Variants in NUP210L observed in about 807,000 individuals in gnomAD.
NUP210L encodes nuclear pore membrane glycoprotein 210-like.
NUP210L carries 74 observed loss-of-function variants against 208.5 expected under a neutral mutation model. The ratio of observed to expected loss-of-function variants is 0.35; its 90% CI spans 0.29 to 0.43. The LOEUF is 0.43. NUP210L is among the 20% of genes least tolerant of loss of function. The pLI, the probability that NUP210L is intolerant of heterozygous loss-of-function variation, is 1.00. For missense variants in NUP210L, 1,843 were observed against 2,289.4 expected (o/e 0.81, Z 3.98); for synonymous variants, 780 against 816.9 (o/e 0.95, Z 0.77).
intron 10 of NUP210L, among the ~76,000 whole-genome samples, chr1:154,119,520 G>A (rs1455469763): frequency 1.3e-5 from 2 of 151,956 alleles, no homozygotes; most frequent in South Asian, 2.1e-4. Context: ...CTTGGGAGGC[G>A]GAGGTTGCAG....
intron 10 of NUP210L, among the ~76,000 whole-genome samples, chr1:154,120,138 T>C (rs1571297070): frequency 6.6e-6 from 1 of 152,248 alleles, no homozygotes; most frequent in South Asian, 2.1e-4. Flanking sequence ...ATTTCTCTGA[T>C]GGCCAGTGAT....
chr1:154,068,482 C>T (rs569331224), intron 17 of NUP210L, among the ~76,000 whole-genome samples: 1 of 152,036 alleles, frequency 6.6e-6, no homozygotes, highest in Non-Finnish European at 1.5e-5. Context: ...GAGATCAAGA[C>T]CATCCTGGCT....
At chr1:154,047,002 G>A (rs1653220117) in intron 25 of NUP210L, among the ~76,000 whole-genome samples, 1 of 152,108 alleles carries the variant, frequency 6.6e-6, no homozygotes, top group African/African-American at 2.4e-5. Context: ...AGGTTGCAGT[G>A]AGCCGAGATC....
At chr1:154,089,365 T>C in intron 16 of NUP210L, 56 bp downstream of exon 16, 1 of 1,443,424 alleles carries the variant, frequency 6.9e-7, no homozygotes, top group Non-Finnish European at 9.7e-7. Context: ...AGACTCTATC[T>C]CTAAAGCACG....
intron 7 of NUP210L, among the ~76,000 whole-genome samples, chr1:154,135,219 G>GT (rs754317428): frequency 2.6e-5 from 4 of 152,112 alleles, no homozygotes; most frequent in African/African-American, 9.6e-5. Context: ...TCCAAACTCC[G>GT]TTTTCCCCAT....
chr1:154,095,000 G>T (rs1209801654), exon 15 of NUP210L: 1 of 1,613,996 alleles, frequency 6.2e-7, no homozygotes, highest in Non-Finnish European at 8.5e-7. Flanking sequence ...TTAGATGGCA[G>T]CCACACTTGT....
At chr1:154,135,953 T>C in exon 7 of NUP210L, 4 of 1,606,084 alleles carry the variant, frequency 2.5e-6, no homozygotes, top group Non-Finnish European at 3.4e-6. Flanking sequence ...GTATATAATG[T>C]TCCAGGGGAA....
At chr1:154,015,055 C>T (rs1448570475) in intron 33 of NUP210L, among the ~76,000 whole-genome samples, 2 of 151,402 alleles carry the variant, frequency 1.3e-5, no homozygotes, top group Non-Finnish European at 2.9e-5. Context: ...TTTTTTTCTT[C>T]AACTTTTATT....
intron 18 of NUP210L, among the ~76,000 whole-genome samples, chr1:154,061,347 C>T (rs1288038922): frequency 6.6e-6 from 1 of 151,818 alleles, no homozygotes; most frequent in Non-Finnish European, 1.5e-5. Flanking sequence ...CACTGCACTC[C>T]ATCCTGGGTG....
At chr1:154,086,494 CT>C (rs1204738417) in intron 16 of NUP210L, among the ~76,000 whole-genome samples, 1 of 152,028 alleles carries the variant, frequency 6.6e-6, no homozygotes, top group Non-Finnish European at 1.5e-5. Context: ...AAGTTAAAAA[CT>C]TTTGTGCTTC....
At chr1:154,048,192 A>T (rs1653293490) in intron 25 of NUP210L, among the ~76,000 whole-genome samples, 1 of 152,074 alleles carries the variant, frequency 6.6e-6, no homozygotes, top group Admixed American at 6.6e-5. Context: ...TTTGAAGAAA[A>T]AGAGTGGCCT....
rs908499732 is a variant in NUP210L at position 154,035,691 on chromosome 1, C to CT, written c.3697-5638dup. ...TGGGATTACAGGTGACCGGCCTCTACTTTTTTTTGATGTAGGCACTCTTTG... is the reference window on the plus strand; with the variant it reads ...TGGGATTACAGGTGACCGGCCTCTACTTTTTTTTTGATGTAGGCACTCTTTG... On this transcript the variant is annotated intron_variant, in intron 27 of 39. Coordinates refer to ENST00000368559, the Ensembl canonical transcript of NUP210L. Among the ~76,000 whole-genome samples the CT allele has an allele frequency of 9.9e-5, 15 of 151,090 alleles. No individual in the cohort carries two copies. The East Asian group carries it at 2.9e-3, about 29-fold the overall frequency.
chr1:154,054,186 T>C, intron 25 of NUP210L, 42 bp downstream of exon 25: 3 of 1,604,872 alleles, frequency 1.9e-6, no homozygotes, highest in Non-Finnish European at 2.6e-6. Flanking sequence ...GTATGGTTCC[T>C]CAATAGAAGA....
chr1:154,033,065 C>A (rs1652349207), intron 27 of NUP210L, among the ~76,000 whole-genome samples: 1 of 151,966 alleles, frequency 6.6e-6, no homozygotes, highest in African/African-American at 2.4e-5. Context: ...AATATCTATT[C>A]CAATCTTTTG....
At chr1:154,053,144 A>G (rs1234851403) in intron 25 of NUP210L, among the ~76,000 whole-genome samples, 1 of 152,266 alleles carries the variant, frequency 6.6e-6, no homozygotes, top group Non-Finnish European at 1.5e-5. Context: ...TTGCAAAATT[A>G]AAAGAACAAA....
chr1:154,114,036 G>A (rs111804060), intron 12 of NUP210L, among the ~76,000 whole-genome samples: 42,660 of 150,946 alleles, frequency 0.28, 7,301 homozygotes, highest in Admixed American at 0.44. Flanking sequence ...CCAGCTACTC[G>A]GGAGGCTGAG....
intron 15 of NUP210L, among the ~76,000 whole-genome samples, chr1:154,089,914 A>G (rs892438868): frequency 2.0e-5 from 3 of 152,036 alleles, no homozygotes; most frequent in Non-Finnish European, 2.9e-5. Context: ...CCATCTCTAC[A>G]AAAAATCTAA....
chr1:154,100,100 G>A (rs757593761), exon 14 of NUP210L: 32 of 1,613,708 alleles, frequency 2.0e-5, no homozygotes, highest in African/African-American at 2.7e-5. Flanking sequence ...ATTTAGCTGC[G>A]ATATGTGTAC....
chr1:154,143,334 G>A (rs1022719779), intron 3 of NUP210L, 112 bp downstream of exon 3: 14 of 788,758 alleles, frequency 1.8e-5, no homozygotes, highest in East Asian at 1.3e-4. Flanking sequence ...TGAGAAAATA[G>A]ATATTACTTC....
Sources: gnomAD v4.1 joint callset for allele counts (sites outside exome capture counted in the v4.1 genomes callset) on GRCh38, gnomAD v4.1.1 for gene constraint, MANE v1.5 for transcripts, NCBI Gene and HGNC (gene_info 2026-07-23, HGNC 2026-07-21) for gene names.